MYO18B: variants seen among roughly 807,000 people sequenced by gnomAD.
MYO18B encodes unconventional myosin-XVIIIb.
A neutral mutation model predicts 273.0 loss-of-function variants in MYO18B; 204 were observed. The observed-to-expected ratio is 0.75, with a 90% CI of 0.67 to 0.84. The LOEUF is 0.84. MYO18B is among the 40% of genes least tolerant of loss of function. The pLI, the probability that MYO18B is intolerant of heterozygous loss-of-function variation, is 0.00. For synonymous variants in MYO18B, 1,330 were observed against 1,305.7 expected, an observed-to-expected ratio of 1.02 and a Z score of -0.40; for missense variants, 3,212 against 3,287.6, an observed-to-expected ratio of 0.98 and a Z score of 0.56.
intron 32 of MYO18B, among the ~76,000 whole-genome samples, chr22:25,909,314 T>C (rs737817): frequency 0.48 from 73,755 of 152,112 alleles, 18,067 homozygotes; most frequent in Middle Eastern, 0.57. Flanking sequence ...ATGTACAGAA[T>C]ACACTCAATT....
intron 11 of MYO18B, among the ~76,000 whole-genome samples, chr22:25,786,029 TA>T (rs2087371663): frequency 6.6e-6 from 1 of 152,204 alleles, no homozygotes; most frequent in Admixed American, 6.5e-5. Flanking sequence ...GAGAGTTAGG[TA>T]TTTCATTGCT....
chr22:25,877,030 A>C (rs5996994), intron 24 of MYO18B: 48 of 152,324 alleles, frequency 3.2e-4, no homozygotes, highest in African/African-American at 1.1e-3. Context: ...TGTCATAGGC[A>C]CAGTGCTGAG....
At chr22:26,032,892 A>G (rs568166631), downstream of MYO18B, among the ~76,000 whole-genome samples, 10 of 152,204 alleles carry the variant, frequency 6.6e-5, no homozygotes, top group South Asian at 1.7e-3. Flanking sequence ...GGGGTTCACA[A>G]TTCAGCCTGT....
rs1369095337 is a variant in MYO18B at position 25,772,340 on chromosome 22, C to A, written c.1699C>A (p.Pro567Thr). ...CTGTGTGATGGTTTCACAGGCCAACCCTCCTGAGCTGGACCAGGTCGAGGA... is the reference window on the plus strand; with the variant it reads ...CTGTGTGATGGTTTCACAGGCCAACACTCCTGAGCTGGACCAGGTCGAGGA... ...VDEEHVHRAN[P>T]PELDQVEDLA... is the part of the protein sequence containing the mutation. Residue 567 changes from proline to threonine, a missense_variant, in exon 7 of 44, where the codon CCT (proline) becomes ACT (threonine). Physicochemically the swap from Pro to Thr is conservative, Grantham distance 38 (BLOSUM62 -1). Coordinates refer to ENST00000335473, the MANE Select transcript of MYO18B (RefSeq NM_032608.7). 1.2e-6 allele frequency: 2 copies of A among 1,613,114 alleles called. No individual in the cohort carries two copies. Among genetic ancestry groups the A allele is most frequent in the African/African-American group, 2.7e-5 (2 of 74,884 alleles).
At chr22:26,033,716 T>G (rs1936713191), downstream of MYO18B, among the ~76,000 whole-genome samples, 1 of 152,066 alleles carries the variant, frequency 6.6e-6, no homozygotes, top group Admixed American at 6.6e-5. Flanking sequence ...CTTTCTTTTC[T>G]TTTCTTTCTT....
rs556483662 is a variant in MYO18B at position 25,859,372 on chromosome 22, G to A, written c.3885+7793G>A. Among the ~76,000 whole-genome samples, 434 of 152,120 alleles carry A rather than the reference G, an allele frequency of 2.9e-3. 1 individual carries two copies. The highest frequency in any genetic ancestry group is 4.6e-3 in the Non-Finnish European group (311 of 67,992). On this transcript the variant is annotated intron_variant, in intron 21 of 43. Coordinates refer to ENST00000335473, the MANE Select transcript of MYO18B (RefSeq NM_032608.7). ...ACAGAAACATGTTTCTACTTTTTTT[G>A]GGTGCATTCTTGGAGGAGAATTGCT...
At chr22:26,042,939 T>C in the MYO18B span, among the ~76,000 whole-genome samples, 12 of 152,190 alleles carry the variant, frequency 7.9e-5, no homozygotes, top group African/African-American at 2.7e-4. Flanking sequence ...AGATCTACTT[T>C]GCGTGCAATG....
intron 39 of MYO18B, among the ~76,000 whole-genome samples, chr22:25,982,368 A>G (rs1443148410): frequency 5.3e-5 from 8 of 152,360 alleles, no homozygotes; most frequent in African/African-American, 1.9e-4. Flanking sequence ...AAGCCTGCAG[A>G]CAACCAAAGC....
chr22:25,935,629 G>T (rs2092567694), intron 34 of MYO18B, among the ~76,000 whole-genome samples: 1 of 152,108 alleles, frequency 6.6e-6, no homozygotes, highest in South Asian at 2.1e-4. Flanking sequence ...AGAAAAATGG[G>T]GGTACTTGGT....
chr22:25,749,931 TA>T (rs1249117218), intron 1 of MYO18B, among the ~76,000 whole-genome samples: 1 of 152,158 alleles, frequency 6.6e-6, no homozygotes, highest in Non-Finnish European at 1.5e-5. Flanking sequence ...GTTTTAAAAA[TA>T]AAGTCAAATT....
chr22:25,964,147 C>G (rs971501291), intron 39 of MYO18B: 1 of 152,614 alleles, frequency 6.6e-6, no homozygotes, highest in South Asian at 2.1e-4. Context: ...AAGCATGCAG[C>G]TTTGGGAGGG....
chr22:25,770,364 C>T (rs1266173002), intron 5 of MYO18B, among the ~76,000 whole-genome samples, 188 bp downstream of exon 5: 2 of 152,160 alleles, frequency 1.3e-5, no homozygotes, highest in Non-Finnish European at 2.9e-5. Context: ...CTCACTAATG[C>T]AACAAGCATG....
intron 31 of MYO18B, 89 bp downstream of exon 31, chr22:25,903,920 G>C: frequency 7.2e-7 from 1 of 1,388,104 alleles, no homozygotes; most frequent in Non-Finnish European, 9.8e-7. Context: ...TGCCTCACTT[G>C]GCTGCTCCTC....
chr22:25,956,090 A>G (rs2092848219), intron 39 of MYO18B, among the ~76,000 whole-genome samples: 1 of 152,164 alleles, frequency 6.6e-6, no homozygotes, highest in South Asian at 2.1e-4. Flanking sequence ...GAGGCTCCGA[A>G]TGGTCCATTT....
intron 34 of MYO18B, among the ~76,000 whole-genome samples, chr22:25,942,191 C>G (rs2092652106): frequency 6.6e-6 from 1 of 152,244 alleles, no homozygotes; most frequent in Non-Finnish European, 1.5e-5. Context: ...TGCCTCAGGT[C>G]TGGCTCCAGT....
intron 11 of MYO18B, among the ~76,000 whole-genome samples, chr22:25,788,865 A>G (rs951608311): frequency 6.6e-6 from 1 of 152,172 alleles, no homozygotes; most frequent in Non-Finnish European, 1.5e-5. Flanking sequence ...CCAGCGGTTA[A>G]GCTGGGTGGC....
downstream of MYO18B, among the ~76,000 whole-genome samples, chr22:26,033,655 C>G (rs1424359798): frequency 6.6e-6 from 1 of 152,142 alleles, no homozygotes. Context: ...CCTCTCAAAT[C>G]CCCCAACCCA....
intron 33 of MYO18B, among the ~76,000 whole-genome samples, chr22:25,913,520 C>T (rs777775971): frequency 6.6e-5 from 10 of 152,144 alleles, no homozygotes; most frequent in Admixed American, 5.2e-4. Context: ...CCCGCCACCA[C>T]GCCTGGCTAA....
At chr22:25,908,962 A>C (rs1055239940) in intron 32 of MYO18B, among the ~76,000 whole-genome samples, 1 of 152,228 alleles carries the variant, frequency 6.6e-6, no homozygotes, top group Non-Finnish European at 1.5e-5. Context: ...AAATGAGGCC[A>C]TGTGGTTCTG....
Sources: gnomAD v4.1 joint callset for allele counts (sites outside exome capture counted in the v4.1 genomes callset) on GRCh38, gnomAD v4.1.1 for gene constraint, MANE v1.5 for transcripts, NCBI Gene and HGNC (gene_info 2026-07-23, HGNC 2026-07-21) for gene names.